CNTN6: variants seen among roughly 807,000 people sequenced by gnomAD.
CNTN6 encodes the protein contactin 6, also known as contactin-6.
A neutral mutation model predicts 122.8 loss-of-function variants in CNTN6; 137 were observed. The observed-to-expected ratio is 1.12, with a 90% CI of 0.97 to 1.29. CNTN6 has a LOEUF of 1.29. CNTN6 is among the 50% of genes most tolerant of loss of function. The pLI is 0.00. For missense variants in CNTN6, 1,634 were observed against 1,223.4 expected (o/e 1.34, Z -5.01); for synonymous variants, 570 against 426.0 (o/e 1.34, Z -4.16).
At chr3:1,388,877 G>C (rs999143229) in intron 20 of CNTN6, among the ~76,000 whole-genome samples, 1 of 139,292 alleles carries the variant, frequency 7.2e-6, no homozygotes. Context: ...AGAATAAAAA[G>C]AAACGAGCAA....
chr3:1,354,565 C>A (rs897738006), intron 12 of CNTN6, among the ~76,000 whole-genome samples: 2 of 150,698 alleles, frequency 1.3e-5, no homozygotes, highest in Non-Finnish European at 3.0e-5. Flanking sequence ...TTTTTCTTGT[C>A]TTTTCTTCCC....
chr3:1,169,440 C>A (rs898752853), intron 2 of CNTN6, among the ~76,000 whole-genome samples: 1 of 152,136 alleles, frequency 6.6e-6, no homozygotes, highest in Non-Finnish European at 1.5e-5. Flanking sequence ...GTGAGATGAT[C>A]CAGAGTTTGA....
chr3:1,372,454 C>T lies in CNTN6; in HGVS notation c.1648C>T (p.His550Tyr), dbSNP rs1300743356. ...DVIDLKKGVA[H>Y]FERIGGESVG... ...CATAGACTTAAAAAAAGGAGTGGCT[C>T]ATTTTGAAAGGATTGGAGGAGTAAG... is the stretch of plus-strand genomic sequence containing the variant. Residue 550 changes from histidine (H) to tyrosine (Y), a missense_variant, in exon 13 of 23, where the codon CAT (histidine) becomes TAT (tyrosine). Physicochemically the swap from His to Tyr is moderately conservative, Grantham distance 83. Transcript: ENST00000446702. 1 of 1,610,458 alleles carries T rather than the reference C, an allele frequency of 6.2e-7. No homozygotes were observed. The highest frequency in any genetic ancestry group is 8.5e-7 in the Non-Finnish European group (1 of 1,178,622).
intron 2 of CNTN6, among the ~76,000 whole-genome samples, chr3:1,218,158 CAAGT>C (rs554414601): frequency 2.4e-4 from 36 of 152,016 alleles, no homozygotes; most frequent in African/African-American, 8.0e-4. Flanking sequence ...TGGCAGAGCC[CAAGT>C]AAGGTGAGAA....
intron 11 of CNTN6, among the ~76,000 whole-genome samples, chr3:1,343,428 T>C (rs1451822491): frequency 1.3e-5 from 2 of 152,114 alleles, no homozygotes; most frequent in Non-Finnish European, 2.9e-5. Context: ...AATGATCAAA[T>C]AACCACATTG....
At chr3:1,214,961 G>A (rs139421225) in intron 2 of CNTN6, among the ~76,000 whole-genome samples, 148 of 152,206 alleles carry the variant, frequency 9.7e-4, no homozygotes, top group African/African-American at 3.4e-3. Context: ...TCTCCCTATA[G>A]TACCCAGGCT....
rs563521517 is a variant in CNTN6 at position 1,389,588 on chromosome 3, C to G, written c.2704+3791C>G. ...AATATTAACTTTAAATGTAAATGGA[C>G]TAAATGCTCTAATTAAAAGACACAG... On this transcript the variant is annotated intron_variant, in intron 20 of 22. Transcript: ENST00000446702. 6.6e-5 allele frequency among the ~76,000 whole-genome samples: 10 copies of G among 152,144 alleles called. No individual in the cohort carries two copies. In the East Asian group the frequency reaches 1.5e-3, roughly 23 times the overall value.
chr3:1,147,443 A>C (rs139339845), intron 1 of CNTN6, among the ~76,000 whole-genome samples: 3 of 152,088 alleles, frequency 2.0e-5, no homozygotes, highest in Non-Finnish European at 2.9e-5. Context: ...TTCTGAGCTT[A>C]TTCTAAATTT....
intron 20 of CNTN6, among the ~76,000 whole-genome samples, chr3:1,388,507 TCTC>T (rs1693544809): frequency 6.6e-6 from 1 of 151,336 alleles, no homozygotes; most frequent in Non-Finnish European, 1.5e-5. Context: ...GCAGAGCGCC[TCTC>T]CTCCTCCAAG....
chr3:1,107,912 G>A lies in CNTN6; in HGVS notation c.-83+14792G>A, dbSNP rs574500958. ...ATAAATCACCCGAAATTATTTAAGA[G>A]TATAACTGGGACTCCCCAAAAGTTA... is the stretch of plus-strand genomic sequence containing the variant. On this transcript the variant is annotated intron_variant, in intron 1 of 22. Coordinates refer to ENST00000446702, the MANE Select transcript of CNTN6 (RefSeq NM_001289080.2). 5.3e-5 allele frequency among the ~76,000 whole-genome samples: 8 copies of A among 152,152 alleles called. 1 individual carries two copies. The South Asian group carries it at 1.5e-3, about 28-fold the overall frequency.
intron 4 of CNTN6, among the ~76,000 whole-genome samples, chr3:1,259,358 A>G (rs1005613126): frequency 3.3e-5 from 5 of 152,140 alleles, no homozygotes; most frequent in African/African-American, 7.2e-5. Flanking sequence ...TGCTTTTCTC[A>G]TTAATTAATA....
chr3:1,309,635 C>G (rs748328835), intron 7 of CNTN6, among the ~76,000 whole-genome samples: 2 of 152,094 alleles, frequency 1.3e-5, no homozygotes, highest in Non-Finnish European at 2.9e-5. Context: ...TCTTTCCATA[C>G]AAACTTAGAA....
chr3:1,396,027 A>C (rs999842574), intron 20 of CNTN6, among the ~76,000 whole-genome samples: 2 of 152,066 alleles, frequency 1.3e-5, no homozygotes, highest in Admixed American at 1.3e-4. Flanking sequence ...CCTCCATCTA[A>C]ACCTCAAACT....
chr3:1,373,577 G>C (rs369883633), intron 14 of CNTN6, 27 bp from the exon 15 acceptor site: 3 of 1,605,714 alleles, frequency 1.9e-6, no homozygotes, highest in African/African-American at 2.7e-5. Flanking sequence ...ATCTCCAATG[G>C]AGTCATGATA....
At chr3:1,393,309 A>G (rs1167072587) in intron 20 of CNTN6, among the ~76,000 whole-genome samples, 1 of 105,266 alleles carries the variant, frequency 9.5e-6, no homozygotes, top group Non-Finnish European at 1.9e-5. Flanking sequence ...TCGCAAGAAC[A>G]AAAAACCAAA....
At chr3:1,135,393 C>G (rs1384725909) in intron 1 of CNTN6, among the ~76,000 whole-genome samples, 1 of 152,028 alleles carries the variant, frequency 6.6e-6, no homozygotes, top group Non-Finnish European at 1.5e-5. Flanking sequence ...TCCAATTGTC[C>G]AGGGGCTGGG....
chr3:1,228,053 A>G, intron 4 of CNTN6, 60 bp downstream of exon 4: 1 of 1,490,278 alleles, frequency 6.7e-7, no homozygotes, highest in Non-Finnish European at 9.2e-7. Context: ...CTTCTGATAC[A>G]CACATTTTAA....
At chr3:1,322,648 A>ATG (rs1378474978) in intron 8 of CNTN6, among the ~76,000 whole-genome samples, 1,720 of 150,134 alleles carry the variant, frequency 0.011, 32 homozygotes, top group African/African-American at 0.039. Context: ...GTGTGTGTGT[A>ATG]TGTGTGTGTG....
At chr3:1,327,864 A>T (rs907194023) in intron 10 of CNTN6, among the ~76,000 whole-genome samples, 3 of 151,874 alleles carry the variant, frequency 2.0e-5, no homozygotes, top group African/African-American at 7.2e-5. Flanking sequence ...AGTATAACTC[A>T]AAGAATATCT....
Sources: allele counts gnomAD v4.1 joint callset (sites outside exome capture counted in the v4.1 genomes callset), GRCh38; gene constraint gnomAD v4.1.1; transcripts MANE v1.5; gene names NCBI Gene and HGNC (gene_info 2026-07-23, HGNC 2026-07-21).